CSNK2A1: variants seen among roughly 807,000 people sequenced by gnomAD.
The protein encoded by CSNK2A1 is casein kinase II subunit alpha.
Under a neutral mutation model 62.9 loss-of-function variants are expected in CSNK2A1, and 10 were observed. The ratio of observed to expected loss-of-function variants is 0.16; its 90% CI spans 0.10 to 0.27. CSNK2A1 has a LOEUF of 0.27. CSNK2A1 is among the 10% of genes least tolerant of loss of function. CSNK2A1 has a pLI of 1.00. For synonymous variants in CSNK2A1, 124 were observed against 167.8 expected (o/e 0.74, Z 2.02); for missense variants, 160 against 492.0 (o/e 0.33, Z 6.38).
chr20:504,189 C>A (rs1363821095), intron 4 of CSNK2A1: 2 of 152,188 alleles, frequency 1.3e-5, no homozygotes, highest in Non-Finnish European at 2.9e-5. Flanking sequence ...AAAACAAAAA[C>A]AAAAACAATA....
chr20:486,382 T>A lies in CSNK2A1; in HGVS notation c.1054A>T (p.Met352Leu). ...GSTPVSSANM[M>L]SGISSVPTPS... ...AATTTACCAATGAACTGACCTGACA[T>A]CATATTGGCGCTGCTGACGGGCGTA... Residue 352 changes from methionine to leucine, a missense_variant, in exon 13 of 14, where the codon ATG becomes TTG. This residue lies in a region of CSNK2A1 where 51 missense variants were observed against 108.8 expected (regional missense o/e 0.47). Transcript: ENST00000217244. 3.1e-6 allele frequency: 5 copies of A among 1,613,594 alleles called. No individual in the cohort carries two copies. Among genetic ancestry groups the A allele is most frequent in the Non-Finnish European group, 4.2e-6 (5 of 1,179,842 alleles).
chr20:507,486 T>C (rs1032202658), intron 3 of CSNK2A1: 2 of 152,238 alleles, frequency 1.3e-5, no homozygotes, highest in South Asian at 2.1e-4. Context: ...CAATTAAATG[T>C]CTACCACATT....
chr20:520,296 TG>T (rs1384202175), intron 2 of CSNK2A1, among the ~76,000 whole-genome samples: 1 of 152,064 alleles, frequency 6.6e-6, no homozygotes, highest in Non-Finnish European at 1.5e-5. Flanking sequence ...ATAATAAAGC[TG>T]GAAGAATTAT....
intron 1 of CSNK2A1, chr20:539,397 G>C (rs1395532649): frequency 6.6e-6 from 1 of 152,156 alleles, no homozygotes; most frequent in Non-Finnish European, 1.5e-5. Context: ...CCTACTAGAG[G>C]CTGCCTGCAT....
chr20:533,915 G>A (rs895047416), intron 1 of CSNK2A1, among the ~76,000 whole-genome samples: 20 of 152,256 alleles, frequency 1.3e-4, no homozygotes, highest in Non-Finnish European at 2.6e-4. Flanking sequence ...TTACAATATA[G>A]TCATCATCTA....
chr20:501,455 G>C (rs1044450617), intron 4 of CSNK2A1: 4 of 152,148 alleles, frequency 2.6e-5, no homozygotes, highest in Admixed American at 6.5e-5. Context: ...AAATGTGTTA[G>C]TAGCCACATC....
At chr20:535,549 A>G (rs933232606) in intron 1 of CSNK2A1, among the ~76,000 whole-genome samples, 4 of 152,062 alleles carry the variant, frequency 2.6e-5, no homozygotes, top group Admixed American at 6.5e-5. Context: ...TGAGGTCAGG[A>G]GTTTGAGGCC....
rs2017993803 is a variant in CSNK2A1, at chr20:483,363, GAC to G, written c.*596_*597del. ...ATTTTCAACATCTTGATGTAACTAA[GAC>G]ACACTTCCACAAGAGCCACTAGGAT... On this transcript the variant is annotated 3_prime_UTR_variant, in exon 14 of 14. Transcript: ENST00000217244. 1 of 152,236 alleles carries G rather than the reference GAC, an allele frequency of 6.6e-6. No homozygotes were observed. The highest frequency in any genetic ancestry group is 2.1e-4 in the South Asian group (1 of 4,818). The allele number at this position is 152,236 out of a possible 1,614,324, so 9.4% of individuals were successfully genotyped here. A position where few individuals can be genotyped will look rare whatever the true frequency, so the allele number is the denominator to read the frequency against.
intron 2 of CSNK2A1, among the ~76,000 whole-genome samples, chr20:525,241 G>T (rs143693166): frequency 0.023 from 3,566 of 152,262 alleles, 57 homozygotes; most frequent in Admixed American, 0.043. Context: ...GCCAGGTGTG[G>T]TTGCTCATGC....
rs1040092346 is a variant in CSNK2A1 at position 473,802 on chromosome 20, T to C, written c.*10159A>G. 1 of 152,274 alleles carries C rather than the reference T, an allele frequency of 6.6e-6. No homozygotes were observed. Among genetic ancestry groups the C allele is most frequent in the Non-Finnish European group, 1.5e-5 (1 of 68,092 alleles). The allele number at this position is 152,274 out of a possible 1,614,324, so 9.4% of individuals were successfully genotyped here. On this transcript the variant is annotated 3_prime_UTR_variant, in exon 14 of 14. Coordinates refer to ENST00000217244, the MANE Select transcript of CSNK2A1 (RefSeq NM_177559.3). ...ATTTTGTGCCTGTCTCTCCTTAGAT[T>C]TGAAGCCAGTTGATTGTCTTCTGAT...
In CSNK2A1 at chr20:528,229, C is replaced by T. The variant is rs142051643; in HGVS notation, c.-226-180G>A. 2.0e-3 allele frequency among the ~76,000 whole-genome samples: 311 copies of T among 152,296 alleles called. 1 individual carries two copies. Among genetic ancestry groups the T allele is most frequent in the African/African-American group, 6.9e-3 (286 of 41,558 alleles). Reference sequence around the variant, plus strand: ...AGAATATAAGGATTATCACCCTTCCCCCACTCCCTTCTTTACTGCCATGGT... The same window carrying T: ...AGAATATAAGGATTATCACCCTTCCTCCACTCCCTTCTTTACTGCCATGGT... On this transcript the variant is annotated intron_variant, in intron 1 of 13. Transcript: ENST00000217244.
chr20:495,046 C>T (rs6052448), intron 8 of CSNK2A1: 5 of 152,200 alleles, frequency 3.3e-5, no homozygotes, highest in Non-Finnish European at 7.3e-5. Flanking sequence ...AATGTAGCTC[C>T]TAAAAGACAA....
chr20:490,335 C>CTTTTTTTCT, intron 9 of CSNK2A1, among the ~76,000 whole-genome samples: 1 of 84,802 alleles, frequency 1.2e-5, no homozygotes, highest in South Asian at 4.1e-4. Context: ...CTAGTTTTTT[C>CTTTTTTTCT]TTTTTTTTTT....
At position 510,070 on chromosome 20, in the gene CSNK2A1, A is replaced by C. The variant is rs142467708; in HGVS notation, c.-109-1410T>G. 971 of 152,420 alleles carry C rather than the reference A, an allele frequency of 6.4e-3. 4 individuals are homozygous for C. Among genetic ancestry groups the C allele is most frequent in the Non-Finnish European group, 0.01 (693 of 68,082 alleles). 9.4% of individuals were successfully genotyped at this position (152,420 alleles called of 1,614,324 possible). On this transcript the variant is annotated intron_variant, in intron 2 of 13. Coordinates refer to ENST00000217244, the MANE Select transcript of CSNK2A1 (RefSeq NM_177559.3). ...GAGGTGGAGGGGGATGCTATAAAAA[A>C]CAATATCGACAGAACTGGAATTCAG...
rs1323811747 is a variant in CSNK2A1, at chr20:528,616, G to GT, written c.-226-568dup. Among the ~76,000 whole-genome samples, 100 of 149,270 alleles carry GT rather than the reference G, an allele frequency of 6.7e-4. No individual in the cohort carries two copies. The Middle Eastern group carries it at 0.01, about 16-fold the overall frequency. On this transcript the variant is annotated intron_variant, in intron 1 of 13. Transcript: ENST00000217244. ...TTTCTTTTTTTTCTTTCTTTCTTTTGTTTTTTTTTCTGAGATGTCTTTTGT... is the reference window on the plus strand; with the variant it reads ...TTTCTTTTTTTTCTTTCTTTCTTTTGTTTTTTTTTTCTGAGATGTCTTTTGT...
At chr20:527,651 T>C (rs1030957492) in intron 2 of CSNK2A1, among the ~76,000 whole-genome samples, 1 of 152,144 alleles carries the variant, frequency 6.6e-6, no homozygotes, top group Non-Finnish European at 1.5e-5. Flanking sequence ...TGAATGTGTT[T>C]TGTTTACATA....
intron 8 of CSNK2A1, among the ~76,000 whole-genome samples, chr20:493,659 T>C (rs1030884465): frequency 3.3e-5 from 5 of 152,210 alleles, no homozygotes; most frequent in Non-Finnish European, 7.3e-5. Flanking sequence ...CAGTTTTACA[T>C]GCACGCATGT....
chr20:520,347 A>G (rs2018919089), intron 2 of CSNK2A1, among the ~76,000 whole-genome samples: 1 of 152,176 alleles, frequency 6.6e-6, no homozygotes, highest in South Asian at 2.1e-4. Flanking sequence ...TATAGTTGTC[A>G]AAACAGTGTA....
intron 4 of CSNK2A1, 68 bp from the exon 5 acceptor site, chr20:500,002 G>A: frequency 8.1e-7 from 1 of 1,234,950 alleles, no homozygotes; most frequent in Non-Finnish European, 1.2e-6. Context: ...TCAACACGTA[G>A]TGTAATACAT....
Sources: allele counts gnomAD v4.1 joint callset (sites outside exome capture counted in the v4.1 genomes callset), GRCh38; gene constraint gnomAD v4.1.1; regional missense constraint gnomAD v4.1.1; transcripts MANE v1.5; gene names NCBI Gene and HGNC (gene_info 2026-07-23, HGNC 2026-07-21).